The following ZNF69 variants were observed in gnomAD, a reference collection of about 807,000 sequenced individuals.
ZNF69 encodes zinc finger protein 69, also known as ZNF3.
In ZNF69, 47 loss-of-function variants were observed where a neutral mutation model predicts 50.9. The ratio of observed to expected loss-of-function variants is 0.92; its 90% confidence interval spans 0.73 to 1.18. The LOEUF is 1.18. ZNF69 is among the 50% of genes most tolerant of loss of function. The pLI, the probability that ZNF69 is intolerant of heterozygous loss-of-function variation, is 0.00. For missense variants in ZNF69, 717 were observed against 675.1 expected (o/e 1.06, Z -0.69); for synonymous variants, 216 against 223.1 (o/e 0.97, Z 0.29).
At chr19:11,960,164 C>T in the ZNF69 span, among the ~76,000 whole-genome samples, 11 of 151,822 alleles carry the variant, frequency 7.2e-5, no homozygotes, top group East Asian at 5.8e-4. Context: ...CGTCCCGGGG[C>T]GCATACCACC....
At chr19:11,915,629 T>G (rs566793311), downstream of ZNF69, among the ~76,000 whole-genome samples, 1 of 152,082 alleles carries the variant, frequency 6.6e-6, no homozygotes, top group South Asian at 2.1e-4. Flanking sequence ...TCACACCAGG[T>G]GGGGTGGCTC....
chr19:11,898,534 G>A (rs1286380371), intron 1 of ZNF69, among the ~76,000 whole-genome samples: 1 of 151,820 alleles, frequency 6.6e-6, no homozygotes, highest in Non-Finnish European at 1.5e-5. Flanking sequence ...GGGAATACAG[G>A]CACACACCAC....
chr19:11,964,859 C>G, the ZNF69 span, among the ~76,000 whole-genome samples: 35 of 152,242 alleles, frequency 2.3e-4, no homozygotes, highest in Non-Finnish European at 4.3e-4. Context: ...ACAGGAAGCA[C>G]CTCGCCCTTA....
the ZNF69 span, chr19:11,980,128 TCA>T: frequency 1.2e-6 from 1 of 828,260 alleles, no homozygotes; most frequent in Non-Finnish European, 1.9e-6. Flanking sequence ...ATGGTAGGAC[TCA>T]CACTGGATAG....
chr19:11,940,198 G>T, the ZNF69 span, among the ~76,000 whole-genome samples: 108 of 152,204 alleles, frequency 7.1e-4, no homozygotes, highest in African/African-American at 2.5e-3. Flanking sequence ...CAAAAGTGCT[G>T]GGCTTATAGG....
the ZNF69 span, among the ~76,000 whole-genome samples, chr19:11,970,522 G>A: frequency 6.6e-6 from 1 of 152,204 alleles, no homozygotes; most frequent in African/African-American, 2.4e-5. Flanking sequence ...TATTGTATAT[G>A]GAGATGATGA....
downstream of ZNF69, among the ~76,000 whole-genome samples, chr19:11,908,377 C>T (rs1200459420): frequency 1.3e-5 from 2 of 152,218 alleles, no homozygotes; most frequent in African/African-American, 2.4e-5. Context: ...ACATTCTTCT[C>T]AGCACCACAT....
chr19:11,893,541 G>T (rs1977147413), intron 1 of ZNF69, among the ~76,000 whole-genome samples: 1 of 152,046 alleles, frequency 6.6e-6, no homozygotes, highest in Non-Finnish European at 1.5e-5. Context: ...ATCTTTCCTA[G>T]ACACAGTCAC....
intron 4 of ZNF69, among the ~76,000 whole-genome samples, chr19:11,912,932 T>C (rs552855049): frequency 4.6e-5 from 7 of 152,338 alleles, no homozygotes; most frequent in African/African-American, 1.4e-4. Context: ...CCGGGTGCGG[T>C]GGCTTATGCC....
chr19:11,965,074 T>G, the ZNF69 span: 2 of 1,158,048 alleles, frequency 1.7e-6, no homozygotes, highest in Non-Finnish European at 2.5e-6. Flanking sequence ...AGCCGGTGGT[T>G]GATATCCGCT....
chr19:11,961,922 T>TACACAC, the ZNF69 span, among the ~76,000 whole-genome samples: 5,786 of 145,020 alleles, frequency 0.04, 187 homozygotes, highest in African/African-American at 0.081. Flanking sequence ...TGGCCTCTTT[T>TACACAC]ACACACACAC....
chr19:11,963,086 A>AGT, the ZNF69 span, among the ~76,000 whole-genome samples: 4 of 138,382 alleles, frequency 2.9e-5, no homozygotes, highest in African/African-American at 1.3e-4. Context: ...AGAGAGAGAG[A>AGT]GAGTGTGTGT....
chr19:11,974,869 C>A, the ZNF69 span, among the ~76,000 whole-genome samples: 1 of 152,162 alleles, frequency 6.6e-6, no homozygotes, highest in African/African-American at 2.4e-5. Context: ...TTGCAAGGTG[C>A]TGGGATTACA....
the ZNF69 span, among the ~76,000 whole-genome samples, chr19:11,957,379 C>T: frequency 1.3e-5 from 2 of 151,578 alleles, no homozygotes; most frequent in African/African-American, 4.8e-5. Context: ...CAGGCGTGAG[C>T]CACCGTGCTC....
the ZNF69 span, among the ~76,000 whole-genome samples, chr19:11,927,463 T>TAGAA: frequency 6.7e-6 from 1 of 148,754 alleles, no homozygotes; most frequent in Admixed American, 6.7e-5. Context: ...AATAAATAAA[T>TAGAA]AGAAAAGGAA....
At chr19:11,937,315 C>A in the ZNF69 span, among the ~76,000 whole-genome samples, 14 of 152,002 alleles carry the variant, frequency 9.2e-5, no homozygotes, top group African/African-American at 3.4e-4. Flanking sequence ...GTTTCAGTAC[C>A]ATTTGTTGTA....
At chr19:11,930,216 C>T in the ZNF69 span, among the ~76,000 whole-genome samples, 2 of 148,404 alleles carry the variant, frequency 1.3e-5, no homozygotes, top group South Asian at 4.2e-4. Context: ...GACACATGGC[C>T]AATCAGCTAA....
chr19:11,923,422 C>T, the ZNF69 span, among the ~76,000 whole-genome samples: 1 of 152,216 alleles, frequency 6.6e-6, no homozygotes, highest in Non-Finnish European at 1.5e-5. Context: ...ATGGAAGCCA[C>T]CCGACTCTCT....
At chr19:11,949,128 G>A in the ZNF69 span, 1 of 1,612,066 alleles carries the variant, frequency 6.2e-7, no homozygotes, top group East Asian at 2.2e-5. Context: ...AGATATGTGG[G>A]AAAGGCTTTT....
Sources: gnomAD v4.1 joint callset for allele counts (sites outside exome capture counted in the v4.1 genomes callset) on GRCh38, gnomAD v4.1.1 for gene constraint, MANE v1.5 for transcripts, NCBI Gene and HGNC (gene_info 2026-07-23, HGNC 2026-07-21) for gene names.